CPNE2: variants seen among roughly 807,000 people sequenced by gnomAD.
The protein encoded by CPNE2 is copine 2, also known as copine-2.
CPNE2 carries 42 observed loss-of-function variants against 69.7 expected under a neutral mutation model. The ratio of observed to expected loss-of-function variants is 0.60; its 90% confidence interval spans 0.47 to 0.78. The LOEUF (loss-of-function observed/expected upper bound fraction) is 0.78. Ranked by LOEUF, CPNE2 falls within the 30% of genes least tolerant of loss-of-function variation. The pLI is 0.00. For missense variants in CPNE2, 587 were observed against 732.0 expected (o/e 0.80, Z 2.29); for synonymous variants, 294 against 289.8 (o/e 1.01, Z -0.15).
At chr16:57,111,548 C>A (rs1411194973) in intron 2 of CPNE2, among the ~76,000 whole-genome samples, 1 of 152,198 alleles carries the variant, frequency 6.6e-6, no homozygotes, top group Non-Finnish European at 1.5e-5. Flanking sequence ...TTTTAAATAA[C>A]CTTTCTAAAT....
intron 12 of CPNE2, among the ~76,000 whole-genome samples, chr16:57,131,104 G>T (rs2069835576): frequency 6.6e-6 from 1 of 152,194 alleles, no homozygotes; most frequent in Non-Finnish European, 1.5e-5. Context: ...GAGGCTTGGA[G>T]CCTCAAAATG....
chr16:57,110,699 T>C lies in CPNE2; in HGVS notation c.-35-9T>C. 6.6e-7 allele frequency: 1 copy of C among 1,520,110 alleles called. No homozygotes were observed. 94.2% of individuals were successfully genotyped at this position (1,520,110 alleles called of 1,614,324 possible). A position where few individuals can be genotyped will look rare whatever the true frequency, so the allele number is the denominator to read the frequency against. On this transcript the variant is annotated splice_polypyrimidine_tract_variant and intron_variant, in intron 1 of 15. Transcript: ENST00000290776. The stretch of plus-strand genomic sequence containing the variant: ...GTCCACTCTCTGACCCTCACTTCTG[T>C]TCCCCTAGACTGCCAGGAACTCCTG...
Position 57,147,691 on chromosome 16 carries a change from G to A in CPNE2, c.*33G>A, listed in dbSNP as rs1414722952. ...TGCCCAGCAGCAGCATGTCAGCTGA[G>A]CCTCCTGCCCTCCCCCAGGAACATG... On this transcript the variant is annotated 3_prime_UTR_variant, in exon 16 of 16. Coordinates refer to ENST00000290776, the MANE Select transcript of CPNE2 (RefSeq NM_152727.6). 2.0e-6 allele frequency: 3 copies of A among 1,476,176 alleles called. No homozygotes were observed. The highest frequency in any genetic ancestry group is 2.8e-6 in the Non-Finnish European group (3 of 1,072,454). The allele number at this position is 1,476,176 out of a possible 1,614,324, so 91.4% of individuals were successfully genotyped here.
At chr16:57,123,236 C>T (rs374924754) in intron 9 of CPNE2, 178 bp from the exon 10 acceptor site, 2 of 652,806 alleles carry the variant, frequency 3.1e-6, no homozygotes, top group African/African-American at 3.6e-5. Context: ...CCATTAGGAA[C>T]CATTGCACTG....
Position 57,119,262 on chromosome 16 carries a change from T to G in CPNE2, c.575T>G (p.Leu192Arg). 6.2e-7 allele frequency: 1 copy of G among 1,614,132 alleles called. No individual in the cohort carries two copies. Among genetic ancestry groups the G allele is most frequent in the South Asian group, 1.1e-5 (1 of 91,082 alleles). Residue 192 changes from leucine (L) to arginine (R), a missense_variant, in exon 6 of 16, where the codon CTG (leucine) becomes CGG (arginine). This residue lies in a region of CPNE2 where 269 missense variants were observed against 300.5 expected (regional missense o/e 0.90). Coordinates refer to ENST00000290776, the MANE Select transcript of CPNE2 (RefSeq NM_152727.6). ...YKPGDDGKWMLVHRTEVIKYT... is the reference protein window; with the variant it reads ...YKPGDDGKWMRVHRTEVIKYT... ...CCAGGAGACGATGGCAAGTGGATGC[T>G]GGTCCACAGGACTGAGGTGGGTACG...
chr16:57,110,816 A>C lies in CPNE2; in HGVS notation c.74A>C (p.Lys25Thr), dbSNP rs1189639936. The stretch of plus-strand genomic sequence containing the variant: ...ATGGGCCCCCAGTATTGCGTGTGCA[A>C]GGTGGAGCTGTCAGTGAGTGGCCAG... ...APMGPQYCVC[K>T]VELSVSGQNL... is the part of the protein sequence containing the mutation. Residue 25 changes from lysine (K) to threonine (T), a missense_variant, in exon 2 of 16, where the codon AAG becomes ACG. By Grantham distance (78) the Lys-to-Thr change is moderately conservative. This residue lies in a region of CPNE2 where 96 missense variants were observed against 94.9 expected (regional missense o/e 1.01). Transcript: ENST00000290776. 1.9e-5 allele frequency: 31 copies of C among 1,613,820 alleles called. No individual in the cohort carries two copies. Among genetic ancestry groups the C allele is most frequent in the Non-Finnish European group, 2.5e-5 (30 of 1,179,894 alleles).
At chr16:57,121,534 T>C in intron 8 of CPNE2, 140 bp from the exon 9 acceptor site, 1 of 791,360 alleles carries the variant, frequency 1.3e-6, no homozygotes, top group Non-Finnish European at 2.1e-6. Context: ...CATTTTTGGG[T>C]GTGGACATCC....
intron 1 of CPNE2, among the ~76,000 whole-genome samples, chr16:57,096,776 C>T (rs1234971968): frequency 3.3e-5 from 5 of 151,392 alleles, no homozygotes; most frequent in African/African-American, 2.4e-5. Flanking sequence ...GGGAGTTGGG[C>T]ATATTCCCTC....
At chr16:57,138,550 C>A (rs561792728) in intron 14 of CPNE2, among the ~76,000 whole-genome samples, 1 of 152,156 alleles carries the variant, frequency 6.6e-6, no homozygotes, top group Admixed American at 6.5e-5. Flanking sequence ...CCTAACCCCC[C>A]GTGTGTTCCT....
chr16:57,137,944 T>C (rs1281465499), intron 14 of CPNE2, among the ~76,000 whole-genome samples: 25 of 152,164 alleles, frequency 1.6e-4, no homozygotes, highest in African/African-American at 6.0e-4. Context: ...CTTGCCTCTC[T>C]CTGCAGTATG....
At position 57,119,357 on chromosome 16, in the gene CPNE2, G is replaced by A. The variant is rs1301593431; in HGVS notation, c.591+79G>A. Reference sequence around the variant, plus strand: ...CTCCACAGCTCTGAAAAAGGGAGGTGCGGTCACAGCCGCTCAGTGTGCAGG... The same window carrying A: ...CTCCACAGCTCTGAAAAAGGGAGGTACGGTCACAGCCGCTCAGTGTGCAGG... On this transcript the variant is annotated intron_variant, in intron 6 of 15. Transcript: ENST00000290776. 2.1e-6 allele frequency: 3 copies of A among 1,447,536 alleles called. No homozygotes were observed. In the South Asian group the frequency reaches 3.4e-5, roughly 17 times the overall value. The allele number at this position is 1,447,536 out of a possible 1,614,324, so 89.7% of individuals were successfully genotyped here.
At chr16:57,113,256 C>T (rs757795289) in intron 2 of CPNE2, 32 bp from the exon 3 acceptor site, 4 of 1,605,846 alleles carry the variant, frequency 2.5e-6, no homozygotes, top group South Asian at 1.1e-5. Flanking sequence ...GCTGCCTTGA[C>T]TCTGACTTCC....
In CPNE2 at chr16:57,113,440, G is replaced by A. The variant is rs2145248882; in HGVS notation, c.333G>A (p.Leu111=). ...SSMRLDEHDF[L]GQFSCSLGTI... ...TGCGGCTGGACGAGCATGACTTCCT[G>A]GGCCAGTTCTCCTGCAGCCTGGGCA... The change falls in exon 3 of 16, where the codon CTG becomes CTA. Residue 111 remains leucine, a synonymous_variant. Coordinates refer to ENST00000290776, the MANE Select transcript of CPNE2 (RefSeq NM_152727.6). 1 of 1,613,962 alleles carries A rather than the reference G, an allele frequency of 6.2e-7. No individual in the cohort carries two copies. Among genetic ancestry groups the A allele is most frequent in the East Asian group, 2.2e-5 (1 of 44,880 alleles).
intron 1 of CPNE2, among the ~76,000 whole-genome samples, chr16:57,104,957 T>G (rs2069639115): frequency 6.6e-6 from 1 of 152,010 alleles, no homozygotes; most frequent in Admixed American, 6.6e-5. Flanking sequence ...TGGGGACAGG[T>G]CAGGCAGGGT....
intron 12 of CPNE2, among the ~76,000 whole-genome samples, chr16:57,128,650 T>C (rs1424047136): frequency 3.9e-5 from 6 of 152,170 alleles, no homozygotes; most frequent in African/African-American, 1.4e-4. Context: ...ACAAGTATAG[T>C]TGTATTACGA....
intron 13 of CPNE2, among the ~76,000 whole-genome samples, chr16:57,135,973 A>G: frequency 7.5e-6 from 1 of 134,062 alleles, no homozygotes. Context: ...GGGAAGGGAG[A>G]AGGAGGGAGG....
In CPNE2 at chr16:57,134,760, T is replaced by A; in HGVS notation, c.1117-15T>A. 6.2e-7 allele frequency: 1 copy of A among 1,613,878 alleles called. No homozygotes were observed. The highest frequency in any genetic ancestry group is 8.5e-7 in the Non-Finnish European group (1 of 1,179,884). On this transcript the variant is annotated splice_polypyrimidine_tract_variant and intron_variant, in intron 12 of 15. Coordinates refer to ENST00000290776, the MANE Select transcript of CPNE2 (RefSeq NM_152727.6). ...GGGCGGGAGGCTGCAGCTCAGCGTT[T>A]TCTCTGCGTTTCAGGTCTCCCATGA...
At chr16:57,121,368 G>T (rs1201942760) in intron 8 of CPNE2, among the ~76,000 whole-genome samples, 177 bp downstream of exon 8, 1 of 152,202 alleles carries the variant, frequency 6.6e-6, no homozygotes, top group Non-Finnish European at 1.5e-5. Context: ...GAGGATTTGG[G>T]TGGGGATTGA....
At chr16:57,093,602 C>T (rs999370893) in intron 1 of CPNE2, among the ~76,000 whole-genome samples, 2 of 152,136 alleles carry the variant, frequency 1.3e-5, no homozygotes, top group Non-Finnish European at 2.9e-5. Context: ...TGCCCAAGGT[C>T]ACAGATGCTG....
Sources: allele counts gnomAD v4.1 joint callset (sites outside exome capture counted in the v4.1 genomes callset), GRCh38; gene constraint gnomAD v4.1.1; regional missense constraint gnomAD v4.1.1; transcripts MANE v1.5; gene names NCBI Gene and HGNC (gene_info 2026-07-23, HGNC 2026-07-21).